SOX5: variants seen among roughly 807,000 people sequenced by gnomAD.
The protein encoded by SOX5 is transcription factor SOX-5.
In SOX5, 9 loss-of-function variants were observed where a neutral mutation model predicts 92.0. The ratio of observed to expected loss-of-function variants is 0.10; its 90% CI spans 0.06 to 0.17. The LOEUF is 0.17. Ranked by LOEUF, SOX5 falls within the 10% of genes least tolerant of loss-of-function variation. SOX5 has a pLI of 1.00. For missense variants in SOX5, 642 were observed against 944.5 expected (o/e 0.68, Z 4.20); for synonymous variants, 344 against 336.3 (o/e 1.02, Z -0.25).
chr12:24,027,407 T>C (rs1431130296), intron 4 of SOX5, among the ~76,000 whole-genome samples: 1 of 151,996 alleles, frequency 6.6e-6, no homozygotes, highest in African/African-American at 2.4e-5. Flanking sequence ...CCTCAATGTT[T>C]TCCAAGTGAC....
intron 1 of SOX5, among the ~76,000 whole-genome samples, chr12:24,445,968 T>C (rs1216765385): frequency 1.3e-5 from 2 of 152,214 alleles, no homozygotes; most frequent in Middle Eastern, 3.4e-3. Flanking sequence ...TAGCATGAAA[T>C]AACCAAGGTA....
chr12:23,922,067 C>T (rs1938440784), intron 1 of SOX5, among the ~76,000 whole-genome samples: 1 of 152,020 alleles, frequency 6.6e-6, no homozygotes, highest in South Asian at 2.1e-4. Flanking sequence ...CCAGACAACT[C>T]CCCCCCTGGG....
At chr12:24,085,699 G>A (rs1167918753) in intron 4 of SOX5, among the ~76,000 whole-genome samples, 3 of 151,770 alleles carry the variant, frequency 2.0e-5, no homozygotes, top group African/African-American at 4.8e-5. Flanking sequence ...TCTCACCAAC[G>A]TAATTCTTAT....
intron 1 of SOX5, among the ~76,000 whole-genome samples, chr12:24,557,664 G>A (rs1237046649): frequency 1.3e-5 from 2 of 152,116 alleles, no homozygotes; most frequent in Non-Finnish European, 2.9e-5. Context: ...TATGACTACT[G>A]TATTATTTTT....
At chr12:24,097,021 C>T (rs1945504045) in intron 4 of SOX5, among the ~76,000 whole-genome samples, 1 of 152,172 alleles carries the variant, frequency 6.6e-6, no homozygotes. Flanking sequence ...AATTTCTCCA[C>T]ATCCTTACCA....
At chr12:23,794,584 G>A (rs532467263) in intron 3 of SOX5, among the ~76,000 whole-genome samples, 1 of 152,104 alleles carries the variant, frequency 6.6e-6, no homozygotes, top group East Asian at 1.9e-4. Context: ...TCATATAGTA[G>A]TCATTTAATC....
At chr12:23,639,621 C>G (rs1020239887) in intron 8 of SOX5, among the ~76,000 whole-genome samples, 3 of 152,180 alleles carry the variant, frequency 2.0e-5, no homozygotes, top group African/African-American at 7.2e-5. Context: ...TCCAACACTT[C>G]CCAAGACATT....
intron 3 of SOX5, among the ~76,000 whole-genome samples, chr12:24,233,468 A>G (rs1963826684): frequency 6.6e-6 from 1 of 152,248 alleles, no homozygotes. Flanking sequence ...AGGCACAATT[A>G]CAGAATTGAG....
At chr12:24,002,258 C>T (rs899735065) in intron 4 of SOX5, among the ~76,000 whole-genome samples, 1 of 151,556 alleles carries the variant, frequency 6.6e-6, no homozygotes, top group African/African-American at 2.4e-5. Context: ...GAGAAAAAAT[C>T]AATGAAACGT....
In SOX5 at chr12:23,661,213, T is replaced by A. The variant is rs187178346; in HGVS notation, c.931+4231A>T. 1.5e-4 allele frequency among the ~76,000 whole-genome samples: 23 copies of A among 152,326 alleles called. No homozygotes were observed. In the East Asian group the frequency reaches 4.0e-3, roughly 27 times the overall value. ...ACATAAAATATCTTCCTGTTACAAT[T>A]TGTAAACCATCTAATGGTTACAATT... On this transcript the variant is annotated intron_variant, in intron 7 of 14. Transcript: ENST00000451604.
At chr12:23,536,962 C>G (rs1322257710) in intron 13 of SOX5, among the ~76,000 whole-genome samples, 1 of 151,914 alleles carries the variant, frequency 6.6e-6, no homozygotes, top group Admixed American at 6.6e-5. Flanking sequence ...CTCATTTCTA[C>G]ATTAGATCAT....
At chr12:23,568,962 G>A (rs1248938005) in intron 10 of SOX5, among the ~76,000 whole-genome samples, 1 of 151,474 alleles carries the variant, frequency 6.6e-6, no homozygotes, top group East Asian at 1.9e-4. Flanking sequence ...GCTGAGGCGA[G>A]TAGATCACTT....
At chr12:24,084,760 C>G (rs773612665) in intron 4 of SOX5, among the ~76,000 whole-genome samples, 6 of 152,012 alleles carry the variant, frequency 3.9e-5, no homozygotes, top group Admixed American at 1.3e-4. Context: ...AGTGTAAACC[C>G]AAAAGGCATA....
chr12:24,107,536 GAAACAAAC>G (rs543307837), intron 4 of SOX5, among the ~76,000 whole-genome samples: 1 of 152,132 alleles, frequency 6.6e-6, no homozygotes, highest in Non-Finnish European at 1.5e-5. Context: ...AGGGCTTCTT[GAAACAAAC>G]AAACAAACAA....
At chr12:23,680,121 T>A (rs2139778229) in intron 6 of SOX5, among the ~76,000 whole-genome samples, 2 of 149,114 alleles carry the variant, frequency 1.3e-5, no homozygotes, top group African/African-American at 2.5e-5. Flanking sequence ...AGCTCAGGAG[T>A]TCTAGAGCAG....
At chr12:24,077,231 T>A (rs1942735814) in intron 4 of SOX5, among the ~76,000 whole-genome samples, 1 of 152,142 alleles carries the variant, frequency 6.6e-6, no homozygotes, top group South Asian at 2.1e-4. Flanking sequence ...CTTTACAGTC[T>A]ATGTGTAACC....
intron 6 of SOX5, among the ~76,000 whole-genome samples, chr12:23,678,840 T>G (rs1054939449): frequency 6.6e-6 from 1 of 152,078 alleles, no homozygotes; most frequent in Admixed American, 6.6e-5. Context: ...TCACTATACT[T>G]TGACTCAAGC....
chr12:23,689,417 A>C (rs1205326976), intron 6 of SOX5, among the ~76,000 whole-genome samples: 1 of 152,122 alleles, frequency 6.6e-6, no homozygotes, highest in Non-Finnish European at 1.5e-5. Flanking sequence ...TCATAGCCCA[A>C]TATTCAAATA....
intron 4 of SOX5, among the ~76,000 whole-genome samples, chr12:24,056,868 G>A (rs1011916027): frequency 6.9e-6 from 1 of 145,464 alleles, no homozygotes; most frequent in Non-Finnish European, 1.5e-5. Context: ...CCAGCTACTT[G>A]GAAGGCTGAG....
Sources: gnomAD v4.1 joint callset for allele counts (sites outside exome capture counted in the v4.1 genomes callset) on GRCh38, gnomAD v4.1.1 for gene constraint, MANE v1.5 for transcripts, NCBI Gene and HGNC (gene_info 2026-07-23, HGNC 2026-07-21) for gene names.